The following KIF26B variants were observed in gnomAD, a reference collection of about 807,000 sequenced individuals.
The protein encoded by KIF26B is kinesin-like protein KIF26B.
Under a neutral mutation model 151.2 loss-of-function variants are expected in KIF26B, and 63 were observed. The observed-to-expected ratio is 0.42, with a 90% confidence interval of 0.34 to 0.51. The LOEUF (loss-of-function observed/expected upper bound fraction) is 0.51, where lower values mean the gene tolerates loss of function less well. Ranked by LOEUF, KIF26B falls within the 20% of genes least tolerant of loss-of-function variation. The pLI is 0.07. For missense variants in KIF26B, 2,813 were observed against 2,913.6 expected, an observed-to-expected ratio of 0.97 and a Z score of 0.79; for synonymous variants, 1,357 against 1,262.1, an observed-to-expected ratio of 1.08 and a Z score of -1.59.
At chr1:245,490,903 A>C (rs1264502078) in intron 4 of KIF26B, among the ~76,000 whole-genome samples, 1 of 152,218 alleles carries the variant, frequency 6.6e-6, no homozygotes, top group Non-Finnish European at 1.5e-5. Context: ...TGTTTGTGAA[A>C]TACATTAACT....
In KIF26B at chr1:245,325,256, C is replaced by T. The variant is rs376881896; in HGVS notation, c.466-41578C>T. ...AACCATATGAAATTGCCAGGATTCA[C>T]GATCTTGACCTGCAAAAATAGGCAG... On this transcript the variant is annotated intron_variant, in intron 2 of 14. Transcript: ENST00000407071. 1.6e-4 allele frequency among the ~76,000 whole-genome samples: 24 copies of T among 152,252 alleles called. No homozygotes were observed. The South Asian group carries it at 4.6e-3, about 29-fold the overall frequency.
At chr1:245,310,779 C>T (rs1417910942) in intron 2 of KIF26B, among the ~76,000 whole-genome samples, 3 of 152,100 alleles carry the variant, frequency 2.0e-5, no homozygotes, top group East Asian at 1.9e-4. Context: ...GGGAGGATGC[C>T]TGCAGAAGCG....
intron 2 of KIF26B, among the ~76,000 whole-genome samples, chr1:245,265,071 T>G (rs182617891): frequency 0.021 from 3,091 of 149,588 alleles, 91 homozygotes; most frequent in African/African-American, 0.067. Flanking sequence ...GCGTGGTGGC[T>G]GGCGCCTGTA....
chr1:245,447,325 A>G (rs142564308), intron 4 of KIF26B, among the ~76,000 whole-genome samples: 45 of 152,310 alleles, frequency 3.0e-4, no homozygotes, highest in Non-Finnish European at 5.3e-4. Flanking sequence ...TTTGTTTTGC[A>G]TATCTACAAA....
chr1:245,257,318 C>T (rs1193277115), intron 2 of KIF26B, among the ~76,000 whole-genome samples: 1 of 152,178 alleles, frequency 6.6e-6, no homozygotes, highest in Non-Finnish European at 1.5e-5. Context: ...CACTTGGGCA[C>T]GCATTCTCAG....
At chr1:245,637,298 C>T (rs2043843789) in intron 9 of KIF26B, among the ~76,000 whole-genome samples, 1 of 151,990 alleles carries the variant, frequency 6.6e-6, no homozygotes, top group Non-Finnish European at 1.5e-5. Context: ...ACCTCTTGGC[C>T]ACTTGTGTGT....
intron 2 of KIF26B, among the ~76,000 whole-genome samples, chr1:245,184,054 T>TTTTTTTTTTTTTTTTTTTTTTTTTTTTTA (rs1573694402): frequency 1.8e-5 from 2 of 113,200 alleles, no homozygotes; most frequent in Non-Finnish European, 3.7e-5. Context: ...GTTGTTGTTT[T>TTTTTTTTTTTTTTTTTTTTTTTTTTTTTA]TTTTTTTTTT....
chr1:245,620,591 G>A (rs1395985269), intron 9 of KIF26B, among the ~76,000 whole-genome samples: 8 of 151,926 alleles, frequency 5.3e-5, no homozygotes, highest in Admixed American at 5.2e-4. Context: ...TTGTAGAGAT[G>A]GGGTTTCACC....
chr1:245,571,333 A>G (rs1047944132), intron 5 of KIF26B, among the ~76,000 whole-genome samples: 5 of 152,220 alleles, frequency 3.3e-5, no homozygotes, highest in Non-Finnish European at 7.3e-5. Flanking sequence ...TTCCAAATCA[A>G]CGCTGTTGAT....
At chr1:245,500,077 G>T (rs1660590257) in intron 4 of KIF26B, among the ~76,000 whole-genome samples, 1 of 152,222 alleles carries the variant, frequency 6.6e-6, no homozygotes, top group Admixed American at 6.5e-5. Flanking sequence ...ACGGTGGAAG[G>T]TTTTAGGACT....
At chr1:245,219,804 T>C (rs4073279) in intron 2 of KIF26B, among the ~76,000 whole-genome samples, 7,798 of 152,222 alleles carry the variant, frequency 0.051, 659 homozygotes, top group African/African-American at 0.18. Flanking sequence ...GTTTTCACCC[T>C]GATCACTGCC....
At chr1:245,476,463 GT>G (rs1376696958) in intron 4 of KIF26B, among the ~76,000 whole-genome samples, 1 of 151,494 alleles carries the variant, frequency 6.6e-6, no homozygotes, top group African/African-American at 2.4e-5. Flanking sequence ...AATTTATATT[GT>G]TTTTGGCTTT....
chr1:245,314,391 G>T (rs1301375418), intron 2 of KIF26B, among the ~76,000 whole-genome samples: 1 of 152,198 alleles, frequency 6.6e-6, no homozygotes, highest in Non-Finnish European at 1.5e-5. Context: ...GGGAGAGGTT[G>T]CAGTGAGTCG....
rs554368212 is a variant in KIF26B at position 245,521,996 on chromosome 1, A to G, written c.1167-18771A>G. On this transcript the variant is annotated intron_variant, in intron 4 of 14. Coordinates refer to ENST00000407071, the MANE Select transcript of KIF26B (RefSeq NM_018012.4). ...GCCATTCTCCTGCCTCAGCCTCCCAAGTAGCTGGGACTACAGGCACCCGCC... is the reference window on the plus strand; with the variant it reads ...GCCATTCTCCTGCCTCAGCCTCCCAGGTAGCTGGGACTACAGGCACCCGCC... Among the ~76,000 whole-genome samples the G allele has an allele frequency of 2.0e-5, 3 of 151,558 alleles. No individual in the cohort carries two copies. In the East Asian group the frequency reaches 5.8e-4, roughly 29 times the overall value.
At chr1:245,370,410 A>T (rs2103012032) in intron 3 of KIF26B, among the ~76,000 whole-genome samples, 1 of 151,508 alleles carries the variant, frequency 6.6e-6, no homozygotes, top group Admixed American at 6.6e-5. Context: ...TTTTGCACCC[A>T]CCTAATATAT....
chr1:245,698,905 G>A lies in KIF26B; in HGVS notation c.6046G>A (p.Ala2016Thr), dbSNP rs1210355547. The A allele has an allele frequency of 6.2e-7, 1 of 1,613,908 alleles. No individual in the cohort carries two copies. The highest frequency in any genetic ancestry group is 1.7e-5 in the Admixed American group (1 of 60,002). ...GTGCTAGGAGGCCATGTGCTTCAAT[G>A]CAAAGCTGAAGATTCTGGAACACCG... is the stretch of plus-strand genomic sequence containing the variant. ...GASKEAMCFN[A>T]KLKILEHRQQ... The change falls in exon 14 of 15, where the codon GCA (alanine) becomes ACA (threonine). Residue 2016 changes from alanine to threonine, a missense_variant. Ala to Thr is a moderately conservative substitution (Grantham distance 58). Transcript: ENST00000407071. This position sits in a 1 kb window ranked among gnomAD's most constrained non-coding sequence, Gnocchi z 4.0.
chr1:245,644,461 T>C (rs1395291262), intron 9 of KIF26B, among the ~76,000 whole-genome samples: 1 of 152,206 alleles, frequency 6.6e-6, no homozygotes, highest in African/African-American at 2.4e-5. Flanking sequence ...TAGTTCTAGG[T>C]TGGTTTCAGT....
chr1:245,348,869 G>T (rs571627248), intron 2 of KIF26B, among the ~76,000 whole-genome samples: 10 of 152,284 alleles, frequency 6.6e-5, no homozygotes, highest in African/African-American at 2.2e-4. Context: ...TCCCCACGAT[G>T]CCTGCTGTGG....
At position 245,540,639 on chromosome 1, in the gene KIF26B, G is replaced by A. The variant is rs1319305668; in HGVS notation, c.1167-128G>A. The A allele has an allele frequency of 7.8e-5, 66 of 846,594 alleles. No homozygotes were observed. The highest frequency in any genetic ancestry group is 7.9e-5 in the Non-Finnish European group (38 of 481,458). 52.4% of individuals were successfully genotyped at this position (846,594 alleles called of 1,614,324 possible). A position where few individuals can be genotyped will look rare whatever the true frequency, so the allele number is the denominator to read the frequency against. ...GTAAGGGACTGCTACAGAGGACACTGAGCAGGAGGAGAGAAGGAATGATTA... is the reference window on the plus strand; with the variant it reads ...GTAAGGGACTGCTACAGAGGACACTAAGCAGGAGGAGAGAAGGAATGATTA... On this transcript the variant is annotated intron_variant, in intron 4 of 14. Transcript: ENST00000407071. The surrounding 1 kb of genome is among the most constrained non-coding windows in gnomAD (Gnocchi z 4.6).
Sources: gnomAD v4.1 joint callset for allele counts (sites outside exome capture counted in the v4.1 genomes callset) on GRCh38, gnomAD v4.1.1 for gene constraint, Gnocchi (gnomAD v3.1) non-coding constraint, MANE v1.5 for transcripts, NCBI Gene and HGNC (gene_info 2026-07-23, HGNC 2026-07-21) for gene names.